Variants in PLPPR1 observed in about 807,000 individuals in gnomAD.
PLPPR1 encodes the protein phospholipid phosphatase-related protein type 1.
PLPPR1 carries 10 observed loss-of-function variants against 33.1 expected under a neutral mutation model. That is an observed-to-expected ratio of 0.30 (90% confidence interval 0.19 to 0.51). The LOEUF is 0.51. Ranked by LOEUF, PLPPR1 falls within the 20% of genes least tolerant of loss-of-function variation. The pLI, the probability that PLPPR1 is intolerant of heterozygous loss-of-function variation, is 0.97. For synonymous variants in PLPPR1, 151 were observed against 151.0 expected, an observed-to-expected ratio of 1.00 and a Z score of 0.00; for missense variants, 304 against 408.1, an observed-to-expected ratio of 0.74 and a Z score of 2.20.
intron 6 of PLPPR1, among the ~76,000 whole-genome samples, chr9:101,314,059 G>A (rs1158509915): frequency 6.6e-6 from 1 of 152,078 alleles, no homozygotes; most frequent in Non-Finnish European, 1.5e-5. Context: ...TATCTTCAAG[G>A]ACTTAAAACA....
At chr9:101,131,650 A>C (rs1375406472) in intron 1 of PLPPR1, 1 of 152,234 alleles carries the variant, frequency 6.6e-6, no homozygotes, top group East Asian at 1.9e-4. Context: ...GTTTGCCAAC[A>C]CTTACCTTCT....
At chr9:101,291,383 G>A (rs1299292535) in intron 4 of PLPPR1, among the ~76,000 whole-genome samples, 2 of 152,238 alleles carry the variant, frequency 1.3e-5, no homozygotes, top group Non-Finnish European at 2.9e-5. Flanking sequence ...CAAAAAGACA[G>A]CGGTAACCTC....
rs566086741 is a variant in PLPPR1 at position 101,110,040 on chromosome 9, A to T, written c.-45-75410A>T. Among the ~76,000 whole-genome samples the T allele has an allele frequency of 9.8e-5, 15 of 152,338 alleles. 1 individual carries two copies. In the South Asian group the frequency reaches 2.9e-3, roughly 29 times the overall value. On this transcript the variant is annotated intron_variant, in intron 1 of 7. Coordinates refer to ENST00000374874, the MANE Select transcript of PLPPR1 (RefSeq NM_207299.2). ...GTCATTTTCAACAGTACTAAAAGAAAACAGCTCTTGTTATTGTTTTAAATT... is the reference window on the plus strand; with the variant it reads ...GTCATTTTCAACAGTACTAAAAGAATACAGCTCTTGTTATTGTTTTAAATT...
At chr9:101,273,792 C>G (rs916809395) in intron 3 of PLPPR1, among the ~76,000 whole-genome samples, 2 of 151,950 alleles carry the variant, frequency 1.3e-5, no homozygotes, top group Non-Finnish European at 2.9e-5. Context: ...GGTTTTAAAC[C>G]AAAGACATAC....
chr9:101,055,466 G>C (rs905024075), intron 1 of PLPPR1, among the ~76,000 whole-genome samples: 5 of 152,178 alleles, frequency 3.3e-5, no homozygotes, highest in South Asian at 2.1e-4. Flanking sequence ...TAAATCAAAA[G>C]ATCGGTTAAT....
intron 1 of PLPPR1, among the ~76,000 whole-genome samples, chr9:101,093,574 T>A (rs1307289824): frequency 6.6e-6 from 1 of 152,240 alleles, no homozygotes; most frequent in Non-Finnish European, 1.5e-5. Flanking sequence ...CTAGCAAACA[T>A]GCCACAACCA....
intron 5 of PLPPR1, among the ~76,000 whole-genome samples, chr9:101,312,449 T>C (rs569176626): frequency 6.6e-6 from 1 of 152,362 alleles, no homozygotes; most frequent in Admixed American, 6.5e-5. Context: ...GACTCTCATA[T>C]GGATTTCTTA....
intron 2 of PLPPR1, among the ~76,000 whole-genome samples, chr9:101,233,636 A>G (rs139159422): frequency 1.3e-5 from 2 of 152,010 alleles, no homozygotes; most frequent in Non-Finnish European, 2.9e-5. Context: ...CTCTCTTGCT[A>G]TTGCTCTTTC....
chr9:101,286,134 A>G lies in PLPPR1; in HGVS notation c.283A>G (p.Ile95Val), dbSNP rs201289914. ...TATTGGTGAGATATCCATGTATTTCATAAAATCAACAAGAGAATCCCTGAT... is the reference window on the plus strand; with the variant it reads ...TATTGGTGAGATATCCATGTATTTCGTAAAATCAACAAGAGAATCCCTGAT... ...IFIGEISMYF[I>V]KSTRESLIAQ... Residue 95 changes from isoleucine (I) to valine (V), a missense_variant, in exon 4 of 8, where the codon ATA becomes GTA. Ile to Val is a conservative substitution (Grantham distance 29). Transcript: ENST00000374874. 2.0e-4 allele frequency: 322 copies of G among 1,612,952 alleles called. No homozygotes were observed. Among genetic ancestry groups the G allele is most frequent in the Non-Finnish European group, 2.6e-4 (308 of 1,179,028 alleles).
Position 101,317,472 on chromosome 9 carries a change from C to A in PLPPR1, c.921C>A (p.Ser307Arg). 3.7e-6 allele frequency: 6 copies of A among 1,613,928 alleles called. No homozygotes were observed. The highest frequency in any genetic ancestry group is 5.1e-6 in the Non-Finnish European group (6 of 1,179,926). The change falls in exon 7 of 8, where the codon AGC (serine) becomes AGA (arginine). Residue 307 changes from serine to arginine, a missense_variant. Ser to Arg is a moderately radical substitution (Grantham distance 110, BLOSUM62 -1). Coordinates refer to ENST00000374874, the MANE Select transcript of PLPPR1 (RefSeq NM_207299.2). ...VPLMAFPRIE[S>R]PLETLSAQNH... ...TAATGGCTTTCCCAAGGATAGAAAGCCCTCTGGAAACCTTAAGTGCACAGG... is the reference window on the plus strand; with the variant it reads ...TAATGGCTTTCCCAAGGATAGAAAGACCTCTGGAAACCTTAAGTGCACAGG...
intron 1 of PLPPR1, among the ~76,000 whole-genome samples, chr9:101,030,848 CATG>C (rs1829936476): frequency 6.6e-6 from 1 of 150,462 alleles, no homozygotes; most frequent in African/African-American, 2.4e-5. Flanking sequence ...TGGGAGAAAG[CATG>C]ATATTTGTGA....
intron 2 of PLPPR1, among the ~76,000 whole-genome samples, chr9:101,244,484 T>TCATCACCCAGTATCTGAG (rs1055573447): frequency 7.9e-5 from 12 of 151,828 alleles, no homozygotes; most frequent in Admixed American, 7.2e-4. Context: ...CGCTCTCTCA[T>TCATCACCCAGTATCTGAG]CATCACCCAG....
chr9:101,149,369 G>A (rs1296747664), intron 1 of PLPPR1, among the ~76,000 whole-genome samples: 1 of 152,134 alleles, frequency 6.6e-6, no homozygotes, highest in Non-Finnish European at 1.5e-5. Context: ...TCATTACCAT[G>A]TTAAACACTT....
At chr9:101,112,380 T>TG (rs1162586517) in intron 1 of PLPPR1, among the ~76,000 whole-genome samples, 2 of 152,244 alleles carry the variant, frequency 1.3e-5, no homozygotes, top group Non-Finnish European at 2.9e-5. Flanking sequence ...TTGCTGTCCT[T>TG]ACCTATTTAG....
chr9:101,134,936 T>C (rs1044659036), intron 1 of PLPPR1, among the ~76,000 whole-genome samples: 1 of 152,110 alleles, frequency 6.6e-6, no homozygotes, highest in Non-Finnish European at 1.5e-5. Flanking sequence ...ACAGAGGACC[T>C]GCAGAGAGTC....
At chr9:101,320,212 C>A (rs1829129335) in intron 7 of PLPPR1, among the ~76,000 whole-genome samples, 1 of 152,198 alleles carries the variant, frequency 6.6e-6, no homozygotes, top group Non-Finnish European at 1.5e-5. Flanking sequence ...TGGATGCCGC[C>A]TCATATGGAT....
At chr9:101,142,270 A>G (rs187708021) in intron 1 of PLPPR1, among the ~76,000 whole-genome samples, 60 of 152,308 alleles carry the variant, frequency 3.9e-4, no homozygotes, top group Non-Finnish European at 5.0e-4. Flanking sequence ...TAACCATTAT[A>G]CCATTCTGCC....
Position 101,309,416 on chromosome 9 carries a change from C to T in PLPPR1, c.591C>T (p.Pro197=), listed in dbSNP as rs145402155. Residue 197 remains proline, a synonymous_variant, in exon 5 of 8, where the codon CCC becomes CCT. Transcript: ENST00000374874. Reference sequence around the variant, plus strand: ...TAGAAAAGGCTCGGAGATCCTTTCCCTCCAAACACGCTGCTCTGAGCATTT... The same window carrying T: ...TAGAAAAGGCTCGGAGATCCTTTCCTTCCAAACACGCTGCTCTGAGCATTT... ...EVIEKARRSF[P]SKHAALSIYS... is the part of the protein sequence containing the mutation. 3.7e-6 allele frequency: 6 copies of T among 1,613,946 alleles called. No individual in the cohort carries two copies. In the African/African-American group the frequency reaches 4.0e-5, roughly 11 times the overall value.
chr9:101,271,423 T>C (rs1828098819), intron 3 of PLPPR1, among the ~76,000 whole-genome samples: 1 of 152,180 alleles, frequency 6.6e-6, no homozygotes, highest in Admixed American at 6.5e-5. Context: ...ACAGACCAAC[T>C]TCCTACTTCT....
Sources: allele counts gnomAD v4.1 joint callset (sites outside exome capture counted in the v4.1 genomes callset), GRCh38; gene constraint gnomAD v4.1.1; transcripts MANE v1.5; gene names NCBI Gene and HGNC (gene_info 2026-07-23, HGNC 2026-07-21).